KLHL3: variants seen among roughly 807,000 people sequenced by gnomAD.
The protein encoded by KLHL3 is kelch like family member 3.
A neutral mutation model predicts 70.5 loss-of-function variants in KLHL3; 19 were observed. The ratio of observed to expected loss-of-function variants is 0.27; its 90% CI spans 0.19 to 0.40. The LOEUF (loss-of-function observed/expected upper bound fraction) is 0.40, where lower values mean the gene tolerates loss of function less well. KLHL3 is among the 10% of genes least tolerant of loss of function. KLHL3 has a pLI of 1.00. For missense variants in KLHL3, 512 were observed against 771.1 expected (o/e 0.66, Z 3.98); for synonymous variants, 258 against 290.3 (o/e 0.89, Z 1.13).
chr5:137,680,193 C>T lies in KLHL3; in HGVS notation c.527-2539G>A, dbSNP rs747695594. Among the ~76,000 whole-genome samples, 23 of 152,348 alleles carry T rather than the reference C, an allele frequency of 1.5e-4. No homozygotes were observed. The Middle Eastern group carries it at 0.01, about 68-fold the overall frequency. ...GCTCCCAGAAGATACCTTCCTGAAT[C>T]ATCTTCTATTTTGAACAATTATTTG... On this transcript the variant is annotated intron_variant, in intron 5 of 14. Transcript: ENST00000309755.
intron 6 of KLHL3, chr5:137,671,885 T>A (rs1051105385): frequency 6.6e-6 from 1 of 152,150 alleles, no homozygotes; most frequent in African/African-American, 2.4e-5. Context: ...GGTGTTTTAC[T>A]TCGTAAAAAG....
intron 3 of KLHL3, 96 bp from the exon 4 acceptor site, chr5:137,698,504 G>C: frequency 1.4e-6 from 2 of 1,428,690 alleles, no homozygotes; most frequent in Non-Finnish European, 1.9e-6. Context: ...AAACATAAAA[G>C]CACTTCCTGG....
Position 137,697,910 on chromosome 5 carries a change from G to A in KLHL3, c.363+377C>T, listed in dbSNP as rs77789827. Among the ~76,000 whole-genome samples, 241 of 152,310 alleles carry A rather than the reference G, an allele frequency of 1.6e-3. 1 individual carries two copies. The highest frequency in any genetic ancestry group is 5.6e-3 in the African/African-American group (234 of 41,568). On this transcript the variant is annotated intron_variant, in intron 4 of 14. Transcript: ENST00000309755. ...TTGCACTTACTGTTAGTACCCAAAA[G>A]TTATTCACCTGTTTGAATTCTGAGA...
At chr5:137,644,225 C>T (rs996010647) in intron 8 of KLHL3, among the ~76,000 whole-genome samples, 28 of 152,158 alleles carry the variant, frequency 1.8e-4, no homozygotes, top group African/African-American at 6.3e-4. Flanking sequence ...CCCACCACCA[C>T]ACCCGGCTAA....
intron 3 of KLHL3, among the ~76,000 whole-genome samples, chr5:137,699,212 C>T (rs1752514260): frequency 6.6e-6 from 1 of 152,152 alleles, no homozygotes; most frequent in African/African-American, 2.4e-5. Flanking sequence ...ACGAGTTCTA[C>T]AGGCAGCAAA....
chr5:137,681,613 G>T (rs376838033), intron 5 of KLHL3, among the ~76,000 whole-genome samples: 15 of 152,140 alleles, frequency 9.9e-5, no homozygotes, highest in African/African-American at 3.6e-4. Context: ...CTAGATCCTG[G>T]GGGAGGGATG....
intron 3 of KLHL3, among the ~76,000 whole-genome samples, chr5:137,707,071 G>C (rs1380674836): frequency 6.6e-6 from 1 of 152,164 alleles, no homozygotes; most frequent in African/African-American, 2.4e-5. Flanking sequence ...GAGTCAGACA[G>C]GCCAAAAGAT....
intron 6 of KLHL3, among the ~76,000 whole-genome samples, 196 bp from the exon 7 acceptor site, chr5:137,662,227 CACACACACACTCT>C (rs1002847766): frequency 1.2e-4 from 17 of 141,942 alleles, no homozygotes; most frequent in African/African-American, 4.0e-4. Context: ...AGAGAGTGAT[CACACACACACTCT>C]ACACACACAC....
At chr5:137,633,928 T>C (rs972555510) in intron 12 of KLHL3, 109 bp downstream of exon 12, 2 of 1,390,230 alleles carry the variant, frequency 1.4e-6, no homozygotes, top group Non-Finnish European at 2.0e-6. Flanking sequence ...AATATATCCA[T>C]GTAACAAACC....
intron 3 of KLHL3, among the ~76,000 whole-genome samples, chr5:137,704,745 A>G (rs1047127363): frequency 6.6e-6 from 1 of 152,180 alleles, no homozygotes; most frequent in Admixed American, 6.5e-5. Context: ...CACAAGCCAA[A>G]TTCCTGCTCA....
At chr5:137,636,947 T>C (rs1472970818) in intron 11 of KLHL3, among the ~76,000 whole-genome samples, 4 of 152,194 alleles carry the variant, frequency 2.6e-5, no homozygotes, top group Non-Finnish European at 5.9e-5. Context: ...CTCTACTACA[T>C]TATCCTCCTG....
In KLHL3 at chr5:137,663,022, T is replaced by C. The variant is rs950414604; in HGVS notation, c.637-991A>G. On this transcript the variant is annotated intron_variant, in intron 6 of 14. Transcript: ENST00000309755. ...TTAAAGGAGTATCCATACCATTAGA[T>C]ACAGTTATCCCTCAGTATCCTTGAG... Among the ~76,000 whole-genome samples, 18 of 150,070 alleles carry C rather than the reference T, an allele frequency of 1.2e-4. No homozygotes were observed. In the Middle Eastern group the frequency reaches 0.014, roughly 120 times the overall value.
At chr5:137,646,746 T>C (rs1751056008) in intron 8 of KLHL3, among the ~76,000 whole-genome samples, 1 of 152,218 alleles carries the variant, frequency 6.6e-6, no homozygotes, top group Admixed American at 6.5e-5. Flanking sequence ...ATACTTAAGA[T>C]TAATATGCCT....
intron 13 of KLHL3, among the ~76,000 whole-genome samples, chr5:137,627,723 A>G (rs1750512451): frequency 6.6e-6 from 1 of 152,168 alleles, no homozygotes; most frequent in Non-Finnish European, 1.5e-5. Flanking sequence ...CAAGAAATAT[A>G]AACCTAAATA....
intron 5 of KLHL3, among the ~76,000 whole-genome samples, chr5:137,684,769 G>C (rs1369645884): frequency 6.6e-6 from 1 of 152,226 alleles, no homozygotes; most frequent in African/African-American, 2.4e-5. Flanking sequence ...GGCTGTGAAA[G>C]ACACTGGGGT....
At chr5:137,697,161 C>A (rs890014654) in intron 4 of KLHL3, among the ~76,000 whole-genome samples, 1 of 146,692 alleles carries the variant, frequency 6.8e-6, no homozygotes, top group African/African-American at 2.5e-5. Context: ...TCTTCCCAAT[C>A]TTTTTTTTTT....
At chr5:137,720,651 C>A in intron 1 of KLHL3, 67 bp from the exon 2 acceptor site, 1 of 1,602,720 alleles carries the variant, frequency 6.2e-7, no homozygotes, top group South Asian at 1.1e-5. Context: ...ATCCAACTGC[C>A]AAAAGCCCAT....
chr5:137,668,947 A>T (rs1437022833), intron 6 of KLHL3, among the ~76,000 whole-genome samples: 1 of 152,154 alleles, frequency 6.6e-6, no homozygotes, highest in Non-Finnish European at 1.5e-5. Context: ...CCTGGTCTGA[A>T]GTCTCCCTAG....
chr5:137,667,025 A>C (rs1199475590), intron 6 of KLHL3, among the ~76,000 whole-genome samples: 1 of 152,232 alleles, frequency 6.6e-6, no homozygotes, highest in Non-Finnish European at 1.5e-5. Flanking sequence ...CATTATTCTT[A>C]GCTGACTCTC....
Sources: gnomAD v4.1 joint callset for allele counts (sites outside exome capture counted in the v4.1 genomes callset) on GRCh38, gnomAD v4.1.1 for gene constraint, MANE v1.5 for transcripts, NCBI Gene and HGNC (gene_info 2026-07-23, HGNC 2026-07-21) for gene names.